Variants in USP17L4 observed in about 807,000 individuals in gnomAD.
USP17L4 encodes the protein ubiquitin specific peptidase 17 like family member 4.
Under a neutral mutation model 20.2 loss-of-function variants are expected in USP17L4, and 16 were observed. The ratio of observed to expected loss-of-function variants is 0.79; its 90% confidence interval spans 0.54 to 1.20. The LOEUF (loss-of-function observed/expected upper bound fraction) is 1.20, where lower values mean the gene tolerates loss of function less well. Ranked by LOEUF, USP17L4 falls within the 50% of genes most tolerant of loss-of-function variation. The pLI is 0.00. For missense variants in USP17L4, 211 were observed against 316.9 expected, an observed-to-expected ratio of 0.67 and a Z score of 2.54; for synonymous variants, 92 against 122.5, an observed-to-expected ratio of 0.75 and a Z score of 1.65.
Position 7,337,477 on chromosome 8 carries a change from G to C in USP17L4, c.363G>C (p.Lys121Asn), listed in dbSNP as rs1395299655. 4.1e-5 allele frequency: 18 copies of C among 440,614 alleles called. No homozygotes were observed. Among genetic ancestry groups the C allele is most frequent in the South Asian group, 4.0e-4 (18 of 45,236 alleles). 27.3% of individuals were successfully genotyped at this position (440,614 alleles called of 1,614,324 possible). Residue 121 changes from lysine to asparagine, a missense_variant, in exon 1 of 1, where the codon AAG becomes AAC. This residue lies in a region of USP17L4 where 56 missense variants were observed against 46.3 expected (regional missense o/e 1.21). Coordinates refer to ENST00000526929, the MANE Select transcript of USP17L4 (RefSeq NM_001256874.1). Reference protein sequence around the residue: ...REHSQTCQRPKCCMLCTMQAH... With the variant: ...REHSQTCQRPNCCMLCTMQAH... ...ACTCTCAAACATGTCAGCGTCCCAA[G>C]TGCTGCATGCTCTGTACTATGCAAG...
At position 7,338,307 on chromosome 8, in the gene USP17L4, A is replaced by C; in HGVS notation, c.1193A>C (p.Asp398Ala). The C allele has an allele frequency of 1.5e-6, 2 of 1,304,484 alleles. No homozygotes were observed. Among genetic ancestry groups the C allele is most frequent in the South Asian group, 1.2e-5 (1 of 81,844 alleles). 80.8% of individuals were successfully genotyped at this position (1,304,484 alleles called of 1,614,324 possible). A position where few individuals can be genotyped will look rare whatever the true frequency, so the allele number is the denominator to read the frequency against. Residue 398 changes from aspartate (D) to alanine (A), a missense_variant, in exon 1 of 1, where the codon GAC becomes GCC. Around this residue, in one of 5 missense-constraint regions of USP17L4, gnomAD observed 140 missense variants for 167.6 expected, o/e 0.84. Transcript: ENST00000526929. ...GREPRALGAE[D>A]TDRPATQGEL... ...GAACCAAGAGCCCTTGGCGCTGAAG[A>C]CACAGACAGGCCAGCAACGCAAGGA...
At position 7,338,203 on chromosome 8, in the gene USP17L4, G is replaced by C. The variant is rs751572842; in HGVS notation, c.1089G>C (p.Leu363=). ...CTGTCTGTAGCATCACTTCTGTCCT[G>C]AGTCAACAGGCCTATGTCCTCTTTT... ...EVTVCSITSV[L]SQQAYVLFYI... The change falls in exon 1 of 1, where the codon CTG becomes CTC. Residue 363 remains leucine (L), a synonymous_variant. Coordinates refer to ENST00000526929, the MANE Select transcript of USP17L4 (RefSeq NM_001256874.1). 2.7e-6 allele frequency: 4 copies of C among 1,477,730 alleles called. No homozygotes were observed. The highest frequency in any genetic ancestry group is 2.3e-5 in the South Asian group (2 of 87,042). The allele number at this position is 1,477,730 out of a possible 1,614,324, so 91.5% of individuals were successfully genotyped here. A position where few individuals can be genotyped will look rare whatever the true frequency, so the allele number is the denominator to read the frequency against.
At position 7,338,130 on chromosome 8, in the gene USP17L4, T is replaced by C. The variant is rs772543539; in HGVS notation, c.1016T>C (p.Val339Ala). ...CACGACGGATATTACTTCTCTTATG[T>C]CAAAGCTCAAGAAGGCCAGTGGTAT... ...SCHDGYYFSY[V>A]KAQEGQWYKM... The change falls in exon 1 of 1, where the codon GTC becomes GCC. Residue 339 changes from valine (V) to alanine (A), a missense_variant. This residue lies in a region of USP17L4 where 140 missense variants were observed against 167.6 expected (regional missense o/e 0.84). Coordinates refer to ENST00000526929, the MANE Select transcript of USP17L4 (RefSeq NM_001256874.1). The C allele has an allele frequency of 1.9e-6, 3 of 1,568,276 alleles. No homozygotes were observed. The highest frequency in any genetic ancestry group is 2.6e-6 in the Non-Finnish European group (3 of 1,168,852).
chr8:7,338,410 C>T lies in USP17L4; in HGVS notation c.1296C>T (p.Ser432=). ...TGGTGGAAAGAGCCACTGAGGAAAG[C>T]ACCTTAGACCACTGGAAATTCCCCC... ...EHLVERATEE[S]TLDHWKFPQE... Residue 432 remains serine, a synonymous_variant, in exon 1 of 1, where the codon AGC becomes AGT. Transcript: ENST00000526929. The T allele has an allele frequency of 1.5e-6, 1 of 655,342 alleles. No homozygotes were observed. The highest frequency in any genetic ancestry group is 1.7e-5 in the South Asian group (1 of 59,128). The allele number at this position is 655,342 out of a possible 1,614,324, so 40.6% of individuals were successfully genotyped here. A position where few individuals can be genotyped will look rare whatever the true frequency, so the allele number is the denominator to read the frequency against.
In USP17L4 at chr8:7,337,120, G is replaced by T; in HGVS notation, c.6G>T (p.Gly2=). ...TGATCCTTGTTGCGGGCGACATGGG[G>T]GACGACTCACTCTACTTGGGAGGTG... M[G]DDSLYLGGEW... is the part of the protein sequence containing the mutation. Residue 2 remains glycine (G), a synonymous_variant, in exon 1 of 1, where the codon GGG becomes GGT. Transcript: ENST00000526929. The T allele has an allele frequency of 1.6e-6, 1 of 611,132 alleles. No homozygotes were observed. The highest frequency in any genetic ancestry group is 2.7e-6 in the Non-Finnish European group (1 of 363,878). 37.9% of individuals were successfully genotyped at this position (611,132 alleles called of 1,614,324 possible).
rs1239769972 is a variant in USP17L4, at chr8:7,338,196, C to A, written c.1082C>A (p.Ser361Tyr). Residue 361 changes from serine (S) to tyrosine (Y), a missense_variant, in exon 1 of 1, where the codon TCT becomes TAT. Physicochemically the swap from Ser to Tyr is moderately radical, Grantham distance 144 (BLOSUM62 -2). This residue lies in a region of USP17L4 where 140 missense variants were observed against 167.6 expected (regional missense o/e 0.84). Transcript: ENST00000526929. ...GAGGTCACTGTCTGTAGCATCACTTCTGTCCTGAGTCAACAGGCCTATGTC... is the reference window on the plus strand; with the variant it reads ...GAGGTCACTGTCTGTAGCATCACTTATGTCCTGAGTCAACAGGCCTATGTC... ...DAEVTVCSIT[S>Y]VLSQQAYVLF... 4.0e-6 allele frequency: 6 copies of A among 1,493,244 alleles called. No individual in the cohort carries two copies. The African/African-American group carries it at 1.4e-4, about 35-fold the overall frequency. 92.5% of individuals were successfully genotyped at this position (1,493,244 alleles called of 1,614,324 possible).
Position 7,338,359 on chromosome 8 carries a change from C to G in USP17L4, c.1245C>G (p.Leu415=). The stretch of plus-strand genomic sequence containing the variant: ...AGCTCAAGAGAGACCACCCTTGCCT[C>G]CAGGTACCCGAGTTGGACGAGCACT... ...QGELKRDHPC[L]QVPELDEHLV... The change falls in exon 1 of 1, where the codon CTC becomes CTG. Residue 415 remains leucine, a synonymous_variant. Transcript: ENST00000526929. 2 of 960,292 alleles carry G rather than the reference C, an allele frequency of 2.1e-6. No homozygotes were observed. The highest frequency in any genetic ancestry group is 3.1e-6 in the Non-Finnish European group (2 of 652,176). 59.5% of individuals were successfully genotyped at this position (960,292 alleles called of 1,614,324 possible).
Position 7,337,490 on chromosome 8 carries a change from T to C in USP17L4, c.376T>C (p.Cys126Arg). 6.6e-6 allele frequency: 3 copies of C among 453,322 alleles called. 1 individual carries two copies. The highest frequency in any genetic ancestry group is 6.6e-5 in the South Asian group (3 of 45,448). The allele number at this position is 453,322 out of a possible 1,614,324, so 28.1% of individuals were successfully genotyped here. A position where few individuals can be genotyped will look rare whatever the true frequency, so the allele number is the denominator to read the frequency against. ...TCQRPKCCML[C>R]TMQAHITWAL... ...TCAGCGTCCCAAGTGCTGCATGCTC[T>C]GTACTATGCAAGCTCACATCACATG... Residue 126 changes from cysteine to arginine, a missense_variant, in exon 1 of 1, where the codon TGT becomes CGT. Physicochemically the swap from Cys to Arg is radical, Grantham distance 180. Coordinates refer to ENST00000526929, the MANE Select transcript of USP17L4 (RefSeq NM_001256874.1).
rs201912290 is a variant in USP17L4, at chr8:7,338,110, C to T, written c.996C>T (p.Asp332=). Residue 332 remains aspartate (D), a synonymous_variant, in exon 1 of 1, where the codon GAC becomes GAT. Coordinates refer to ENST00000526929, the MANE Select transcript of USP17L4 (RefSeq NM_001256874.1). ...TCCACGCTGGGTGGAGTTGTCACGACGGATATTACTTCTCTTATGTCAAAG... is the reference window on the plus strand; with the variant it reads ...TCCACGCTGGGTGGAGTTGTCACGATGGATATTACTTCTCTTATGTCAAAG... The part of the protein sequence containing the change: ...VLVHAGWSCH[D]GYYFSYVKAQ... 3.7e-4 allele frequency: 573 copies of T among 1,566,704 alleles called. 72 individuals are homozygous for T. The highest frequency in any genetic ancestry group is 4.4e-4 in the Non-Finnish European group (513 of 1,168,028).
the USP17L4 span, chr8:7,337,943 AT>A: frequency 6.6e-6 from 5 of 758,824 alleles, no homozygotes; most frequent in Non-Finnish European, 1.1e-5. Context: ...CAAGGTCCTC[AT>A]CCTTGTCTTG....
rs1585361852 is a variant in USP17L4 at position 7,338,162 on chromosome 8, G to T, written c.1048G>T (p.Asp350Tyr). ...TCAAGAAGGCCAGTGGTATAAAATGGATGATGCCGAGGTCACTGTCTGTAG... is the reference window on the plus strand; with the variant it reads ...TCAAGAAGGCCAGTGGTATAAAATGTATGATGCCGAGGTCACTGTCTGTAG... ...KAQEGQWYKM[D>Y]DAEVTVCSIT... is the part of the protein sequence containing the mutation. Residue 350 changes from aspartate (D) to tyrosine (Y), a missense_variant, in exon 1 of 1, where the codon GAT becomes TAT. By Grantham distance (160) the Asp-to-Tyr change is radical (BLOSUM62 -3). This residue lies in a region of USP17L4 where 140 missense variants were observed against 167.6 expected (regional missense o/e 0.84). Transcript: ENST00000526929. 2 of 1,544,054 alleles carry T rather than the reference G, an allele frequency of 1.3e-6. No homozygotes were observed. Among genetic ancestry groups the T allele is most frequent in the East Asian group, 4.5e-5 (2 of 44,178 alleles).
rs1467198336 is a variant in USP17L4, at chr8:7,338,223, T to C, written c.1109T>C (p.Leu370Pro). 2 of 1,380,234 alleles carry C rather than the reference T, an allele frequency of 1.4e-6. No individual in the cohort carries two copies. Among genetic ancestry groups the C allele is most frequent in the East Asian group, 2.3e-5 (1 of 42,998 alleles). 85.5% of individuals were successfully genotyped at this position (1,380,234 alleles called of 1,614,324 possible). The change falls in exon 1 of 1, where the codon CTC becomes CCC. Residue 370 changes from leucine to proline, a missense_variant. Leu to Pro is a moderately conservative substitution (Grantham distance 98). Around this residue, in one of 5 missense-constraint regions of USP17L4, gnomAD observed 140 missense variants for 167.6 expected, o/e 0.84. Coordinates refer to ENST00000526929, the MANE Select transcript of USP17L4 (RefSeq NM_001256874.1). ...GTCCTGAGTCAACAGGCCTATGTCC[T>C]CTTTTACATCCAGAAGAGTGAATGG... ...TSVLSQQAYV[L>P]FYIQKSEWER...
chr8:7,338,182 C>T lies in USP17L4; in HGVS notation c.1068C>T (p.Val356=), dbSNP rs1415455412. The change falls in exon 1 of 1, where the codon GTC becomes GTT. Residue 356 remains valine, a synonymous_variant. Coordinates refer to ENST00000526929, the MANE Select transcript of USP17L4 (RefSeq NM_001256874.1). ...WYKMDDAEVT[V]CSITSVLSQQ... Reference sequence around the variant, plus strand: ...AAATGGATGATGCCGAGGTCACTGTCTGTAGCATCACTTCTGTCCTGAGTC... The same window carrying T: ...AAATGGATGATGCCGAGGTCACTGTTTGTAGCATCACTTCTGTCCTGAGTC... The T allele has an allele frequency of 9.3e-6, 14 of 1,511,598 alleles. No individual in the cohort carries two copies. The highest frequency in any genetic ancestry group is 1.7e-5 in the Admixed American group (1 of 58,472). The allele number at this position is 1,511,598 out of a possible 1,614,324, so 93.6% of individuals were successfully genotyped here. A position where few individuals can be genotyped will look rare whatever the true frequency, so the allele number is the denominator to read the frequency against.
chr8:7,338,233 C>G lies in USP17L4; in HGVS notation c.1119C>G (p.Ile373Met), dbSNP rs1396452729. ...LSQQAYVLFY[I>M]QKSEWERHSE... ...AACAGGCCTATGTCCTCTTTTACAT[C>G]CAGAAGAGTGAATGGGAAAGACACA... The change falls in exon 1 of 1, where the codon ATC becomes ATG. Residue 373 changes from isoleucine (I) to methionine (M), a missense_variant. Physicochemically the swap from Ile to Met is conservative, Grantham distance 10. Coordinates refer to ENST00000526929, the MANE Select transcript of USP17L4 (RefSeq NM_001256874.1). 3 of 1,333,688 alleles carry G rather than the reference C, an allele frequency of 2.2e-6. No individual in the cohort carries two copies. The highest frequency in any genetic ancestry group is 2.7e-5 in the African/African-American group (1 of 37,416). The allele number at this position is 1,333,688 out of a possible 1,614,324, so 82.6% of individuals were successfully genotyped here.
chr8:7,338,140 A>T lies in USP17L4; in HGVS notation c.1026A>T (p.Gln342His). 4 of 1,564,682 alleles carry T rather than the reference A, an allele frequency of 2.6e-6. No individual in the cohort carries two copies. Among genetic ancestry groups the T allele is most frequent in the Middle Eastern group, 2.0e-4 (1 of 5,008 alleles). ...DGYYFSYVKA[Q>H]EGQWYKMDDA... ...ATTACTTCTCTTATGTCAAAGCTCA[A>T]GAAGGCCAGTGGTATAAAATGGATG... is the stretch of plus-strand genomic sequence containing the variant. The change falls in exon 1 of 1, where the codon CAA becomes CAT. Residue 342 changes from glutamine to histidine, a missense_variant. This residue lies in a region of USP17L4 where 140 missense variants were observed against 167.6 expected (regional missense o/e 0.84). Transcript: ENST00000526929.
Position 7,337,231 on chromosome 8 carries a change from G to A in USP17L4, c.117G>A (p.Glu39=). ...FAEIQRTSLP[E]KSPLSSETRV... ...AAATCCAGCGGACTTCTCTCCCTGAGAAGTCACCACTCTCATCTGAGACCC... is the reference window on the plus strand; with the variant it reads ...AAATCCAGCGGACTTCTCTCCCTGAAAAGTCACCACTCTCATCTGAGACCC... Residue 39 remains glutamate, a synonymous_variant, in exon 1 of 1, where the codon GAG becomes GAA. Transcript: ENST00000526929. 1.9e-6 allele frequency: 1 copy of A among 517,736 alleles called. No individual in the cohort carries two copies. The highest frequency in any genetic ancestry group is 3.3e-6 in the Non-Finnish European group (1 of 307,614). The allele number at this position is 517,736 out of a possible 1,614,324, so 32.1% of individuals were successfully genotyped here.
chr8:7,338,078 G>C lies in USP17L4; in HGVS notation c.964G>C (p.Val322Leu). 1 of 1,554,114 alleles carries C rather than the reference G, an allele frequency of 6.4e-7. No individual in the cohort carries two copies. The highest frequency in any genetic ancestry group is 8.6e-7 in the Non-Finnish European group (1 of 1,159,344). The part of the protein sequence containing the change: ...TGPLVYVLYA[V>L]LVHAGWSCHD... ...ACCTCTTGTCTATGTCCTCTATGCT[G>C]TGCTGGTCCACGCTGGGTGGAGTTG... is the stretch of plus-strand genomic sequence containing the variant. The change falls in exon 1 of 1, where the codon GTG (valine) becomes CTG (leucine). Residue 322 changes from valine (V) to leucine (L), a missense_variant. Around this residue, in one of 5 missense-constraint regions of USP17L4, gnomAD observed 140 missense variants for 167.6 expected, o/e 0.84. Coordinates refer to ENST00000526929, the MANE Select transcript of USP17L4 (RefSeq NM_001256874.1).
At position 7,337,301 on chromosome 8, in the gene USP17L4, G is replaced by T; in HGVS notation, c.187G>T (p.Ala63Ser). The change falls in exon 1 of 1, where the codon GCT becomes TCT. Residue 63 changes from alanine to serine, a missense_variant. Around this residue, in one of 5 missense-constraint regions of USP17L4, gnomAD observed 56 missense variants for 46.3 expected, o/e 1.21. Transcript: ENST00000526929. ...TTTGGCTCCTGTGGCAAGACAGCTC[G>T]CTCCCAGGGAGAAGCTTCCTCTGAG... ...DDLAPVARQL[A>S]PREKLPLSSR... 2.1e-6 allele frequency: 1 copy of T among 470,728 alleles called. No individual in the cohort carries two copies. Among genetic ancestry groups the T allele is most frequent in the Non-Finnish European group, 3.5e-6 (1 of 282,984 alleles). 29.2% of individuals were successfully genotyped at this position (470,728 alleles called of 1,614,324 possible). A position where few individuals can be genotyped will look rare whatever the true frequency, so the allele number is the denominator to read the frequency against.
the USP17L4 span, chr8:7,337,236 C>A: frequency 7.8e-5 from 40 of 515,160 alleles, 3 homozygotes; most frequent in Middle Eastern, 4.6e-4. Flanking sequence ...CCTGAGAAGT[C>A]ACCACTCTCA....
Sources: allele counts gnomAD v4.1 joint callset, GRCh38; gene constraint gnomAD v4.1.1; regional missense constraint gnomAD v4.1.1; transcripts MANE v1.5; gene names NCBI Gene and HGNC (gene_info 2026-07-23, HGNC 2026-07-21).